FERMT1: variants seen among roughly 807,000 people sequenced by gnomAD.
FERMT1 encodes fermitin family homolog 1.
In FERMT1, 60 loss-of-function variants were observed where a neutral mutation model predicts 85.3. That is an observed-to-expected ratio of 0.70 (90% CI 0.57 to 0.87). FERMT1 has a LOEUF of 0.87. Among genes scored for constraint, FERMT1 ranks in the 40% least tolerant of loss-of-function variants. The pLI is 0.00. For synonymous variants in FERMT1, 275 were observed against 301.1 expected, an observed-to-expected ratio of 0.91 and a Z score of 0.90; for missense variants, 701 against 818.9, an observed-to-expected ratio of 0.86 and a Z score of 1.76.
chr20:6,082,902 C>T (rs945220028), intron 13 of FERMT1, among the ~76,000 whole-genome samples: 1 of 152,028 alleles, frequency 6.6e-6, no homozygotes, highest in Non-Finnish European at 1.5e-5. Flanking sequence ...TCAGGCAATC[C>T]GTCCACTTTG....
intron 5 of FERMT1, 143 bp downstream of exon 5, chr20:6,110,155 C>T: frequency 1.4e-6 from 1 of 724,792 alleles, no homozygotes; most frequent in Non-Finnish European, 2.4e-6. Flanking sequence ...CTGAATTTTT[C>T]CCCTTTGTTG....
intron 3 of FERMT1, 149 bp from the exon 4 acceptor site, chr20:6,112,772 A>G: frequency 1.8e-6 from 1 of 562,118 alleles, no homozygotes; most frequent in East Asian, 3.0e-5. Context: ...AAGAAACAGA[A>G]GGGGAAAGGG....
At chr20:6,086,140 C>CA (rs532906778) in intron 11 of FERMT1, among the ~76,000 whole-genome samples, 4,889 of 98,136 alleles carry the variant, frequency 0.05, 129 homozygotes, top group African/African-American at 0.095. Flanking sequence ...GACTCCATCT[C>CA]AAAAAAAAAA....
chr20:6,083,664 C>CCG (rs1347142166), intron 13 of FERMT1, among the ~76,000 whole-genome samples: 3 of 148,154 alleles, frequency 2.0e-5, no homozygotes, highest in African/African-American at 2.5e-5. Context: ...CACCCCCCCC[C>CCG]CCGGCCACCC....
intron 5 of FERMT1, among the ~76,000 whole-genome samples, 162 bp downstream of exon 5, chr20:6,110,136 G>T (rs184455666): frequency 2.6e-5 from 4 of 152,256 alleles, no homozygotes; most frequent in South Asian, 2.1e-4. Context: ...ATACTGAAAT[G>T]ACCAAAGGCT....
chr20:6,075,719 C>T lies in FERMT1; in HGVS notation c.*1454G>A, dbSNP rs1201741702. On this transcript the variant is annotated 3_prime_UTR_variant, in exon 15 of 15. Coordinates refer to ENST00000217289, the MANE Select transcript of FERMT1 (RefSeq NM_017671.5). The stretch of plus-strand genomic sequence containing the variant: ...CAGCTGACGCTCACGGGCCTCGGAA[C>T]TCTGGCCAGGCTCCCTGAGGGGTGC... 6.6e-6 allele frequency: 1 copy of T among 152,360 alleles called. No individual in the cohort carries two copies. Among genetic ancestry groups the T allele is most frequent in the African/African-American group, 2.4e-5 (1 of 41,446 alleles). 9.4% of individuals were successfully genotyped at this position (152,360 alleles called of 1,614,324 possible).
chr20:6,081,398 G>C (rs563084353), intron 13 of FERMT1, among the ~76,000 whole-genome samples: 6 of 152,292 alleles, frequency 3.9e-5, no homozygotes, highest in African/African-American at 1.4e-4. Context: ...AGGAAAGTCA[G>C]CTGTGTTGGA....
chr20:6,092,330 T>A (rs1795613054), intron 9 of FERMT1, among the ~76,000 whole-genome samples: 1 of 152,044 alleles, frequency 6.6e-6, no homozygotes, highest in South Asian at 2.1e-4. Context: ...AGATCTTGAG[T>A]CCAGGAGTTT....
rs1195617364 is a variant in FERMT1 at position 6,096,899 on chromosome 20, T to C, written c.1089+3A>G. On this transcript the variant is annotated splice_donor_region_variant and intron_variant, in intron 8 of 14. Transcript: ENST00000217289. ...GTTCTGGGTGATCAGAAAAAGTTCA[T>C]ACCAAAAGGCTGTCCGCTTTTCCAC... The C allele has an allele frequency of 1.9e-6, 3 of 1,600,590 alleles. No individual in the cohort carries two copies. The highest frequency in any genetic ancestry group is 2.3e-5 in the East Asian group (1 of 43,882).
intron 13 of FERMT1, among the ~76,000 whole-genome samples, chr20:6,083,708 A>AC (rs1982075776): frequency 7.5e-6 from 1 of 133,620 alleles, no homozygotes; most frequent in Admixed American, 7.2e-5. Flanking sequence ...AAAAAAAACA[A>AC]AAAAAAAAAA....
intron 1 of FERMT1, among the ~76,000 whole-genome samples, chr20:6,119,835 T>C (rs1337824067): frequency 6.6e-6 from 1 of 152,230 alleles, no homozygotes; most frequent in African/African-American, 2.4e-5. Context: ...ACCACTTGGC[T>C]ATGTATTTCC....
At chr20:6,103,974 G>T (rs1982732630) in intron 6 of FERMT1, among the ~76,000 whole-genome samples, 1 of 151,844 alleles carries the variant, frequency 6.6e-6, no homozygotes, top group Non-Finnish European at 1.5e-5. Context: ...GGGTTCAAGT[G>T]ATTCTCCTGC....
intron 9 of FERMT1, among the ~76,000 whole-genome samples, chr20:6,089,956 C>T (rs1037848151): frequency 2.6e-5 from 4 of 152,050 alleles, no homozygotes; most frequent in African/African-American, 9.7e-5. Flanking sequence ...AGAAACCTGG[C>T]CGTGGGGGCA....
At chr20:6,094,917 T>C in intron 9 of FERMT1, 22 bp downstream of exon 9, 2 of 1,317,694 alleles carry the variant, frequency 1.5e-6, no homozygotes, top group Middle Eastern at 1.8e-4. Flanking sequence ...GTAACTCCTT[T>C]TCCCCATAAA....
rs549821264 is a variant in FERMT1, at chr20:6,101,801, C to T, written c.850-4170G>A. On this transcript the variant is annotated intron_variant, in intron 6 of 14. Transcript: ENST00000217289. ...CCGAGTAGCTGGGATTACACGAGCCCGCCTCCATGCTCCGCTAATTTTTTT... is the reference window on the plus strand; with the variant it reads ...CCGAGTAGCTGGGATTACACGAGCCTGCCTCCATGCTCCGCTAATTTTTTT... 1.2e-4 allele frequency among the ~76,000 whole-genome samples: 18 copies of T among 151,944 alleles called. No individual in the cohort carries two copies. The South Asian group carries it at 1.9e-3, about 16-fold the overall frequency.
At chr20:6,110,583 T>G in intron 4 of FERMT1, 72 bp from the exon 5 acceptor site, 4 of 1,166,746 alleles carry the variant, frequency 3.4e-6, no homozygotes, top group Non-Finnish European at 5.2e-6. Flanking sequence ...AATATTAACA[T>G]TACTTACACT....
Position 6,078,633 on chromosome 20 carries a change from G to GTT in FERMT1, c.1860+801_1860+802dup, listed in dbSNP as rs11480502. 3.0e-3 allele frequency among the ~76,000 whole-genome samples: 407 copies of GTT among 134,634 alleles called. 5 individuals are homozygous for GTT. In the East Asian group the frequency reaches 0.054, roughly 18 times the overall value. 88.3% of individuals were successfully genotyped at this position (134,634 alleles called of 152,430 possible). A position where few individuals can be genotyped will look rare whatever the true frequency, so the allele number is the denominator to read the frequency against. ...CACCATCACACCTGGCTAGTTCAGCGTTTTTTTTTTTTGTTTTTTTTTTTT... is the reference window on the plus strand; with the variant it reads ...CACCATCACACCTGGCTAGTTCAGCGTTTTTTTTTTTTTTGTTTTTTTTTTTT... On this transcript the variant is annotated intron_variant, in intron 14 of 14. Transcript: ENST00000217289.
chr20:6,118,366 GT>G (rs893812160), intron 2 of FERMT1, among the ~76,000 whole-genome samples: 15 of 150,238 alleles, frequency 1.0e-4, no homozygotes, highest in African/African-American at 3.6e-4. Context: ...CAGGACAGTG[GT>G]TACCTTTGGT....
In FERMT1 at chr20:6,085,266, T is replaced by A. The variant is rs1369524962; in HGVS notation, c.1393A>T (p.Met465Leu). ...CDHENQYAQWMAACMLASKGK... is the reference protein window; with the variant it reads ...CDHENQYAQWLAACMLASKGK... ...TTCGATGCCAACATGCAGGCAGCCATCCATTGGGCGTATTGATTCTCCTGC... is the reference window on the plus strand; with the variant it reads ...TTCGATGCCAACATGCAGGCAGCCAACCATTGGGCGTATTGATTCTCCTGC... Residue 465 changes from methionine to leucine, a missense_variant, in exon 12 of 15, where the codon ATG becomes TTG. Met to Leu is a conservative substitution (Grantham distance 15). Transcript: ENST00000217289. 2.5e-6 allele frequency: 4 copies of A among 1,613,722 alleles called. No homozygotes were observed. In the South Asian group the frequency reaches 4.4e-5, roughly 18 times the overall value.
Sources: gnomAD v4.1 joint callset for allele counts (sites outside exome capture counted in the v4.1 genomes callset) on GRCh38, gnomAD v4.1.1 for gene constraint, MANE v1.5 for transcripts, NCBI Gene and HGNC (gene_info 2026-07-23, HGNC 2026-07-21) for gene names.